ALS2CL: variants seen among roughly 807,000 people sequenced by gnomAD.
The protein encoded by ALS2CL is ALS2 C-terminal-like protein.
Under a neutral mutation model 127.9 loss-of-function variants are expected in ALS2CL, and 112 were observed. The ratio of observed to expected loss-of-function variants is 0.88; its 90% CI spans 0.75 to 1.02. The LOEUF (loss-of-function observed/expected upper bound fraction) is 1.02. ALS2CL is among the 50% of genes least tolerant of loss of function. ALS2CL has a pLI of 0.00. For missense variants in ALS2CL, 1,174 were observed against 1,236.7 expected (o/e 0.95, Z 0.76); for synonymous variants, 519 against 527.6 (o/e 0.98, Z 0.22).
chr3:46,680,524 C>G lies in ALS2CL; in HGVS notation c.1454G>C (p.Gly485Ala), dbSNP rs776177156. 10 of 1,612,632 alleles carry G rather than the reference C, an allele frequency of 6.2e-6. No individual in the cohort carries two copies. The East Asian group carries it at 1.8e-4, about 29-fold the overall frequency. ...EDGDRGERYI[G>A]MWQAGQRHGP... is the part of the protein sequence containing the mutation. ...GTGGCGCTGACCAGCCTGCCACATG[C>G]CAATGTAGCGCTCACCTCTGGAAGG... The change falls in exon 14 of 26, where the codon GGC becomes GCC. Residue 485 changes from glycine to alanine, a missense_variant. Coordinates refer to ENST00000318962, the MANE Select transcript of ALS2CL (RefSeq NM_147129.5).
chr3:46,676,441 T>G lies in ALS2CL; in HGVS notation c.2029-39A>C. On this transcript the variant is annotated intron_variant, in intron 18 of 25. Transcript: ENST00000318962. ...TAGGCAACAGAGAGAGACTAAGCAC[T>G]GGGGTCTGGAGCACAGCATGCCCAC... The G allele has an allele frequency of 1.9e-6, 3 of 1,610,472 alleles. No individual in the cohort carries two copies. In the South Asian group the frequency reaches 3.3e-5, roughly 18 times the overall value.
rs915852238 is a variant in ALS2CL, at chr3:46,671,035, G to A, written c.2811C>T (p.Asp937=). The change falls in exon 26 of 26, where the codon GAC becomes GAT. Residue 937 remains aspartate (D), a synonymous_variant. Transcript: ENST00000318962. ...GGCCAGGTAAGCGGTGCAGCCTCAT[G>A]TCTTCTTTCTGGATGTGCTCGTAAC... ...ESCYEHIQKE[D]MRLHRLPGHW... The A allele has an allele frequency of 6.8e-6, 11 of 1,614,094 alleles. No individual in the cohort carries two copies. The highest frequency in any genetic ancestry group is 9.3e-6 in the Non-Finnish European group (11 of 1,180,036).
rs544132462 is a variant in ALS2CL, at chr3:46,676,307, G to C, written c.2124C>G (p.His708Gln). 1 of 1,613,826 alleles carries C rather than the reference G, an allele frequency of 6.2e-7. No homozygotes were observed. Among genetic ancestry groups the C allele is most frequent in the South Asian group, 1.1e-5 (1 of 91,058 alleles). ...ATYAGVGANK[H>Q]LQELAQEEVK... ...CCTCCTCCTGGGCCAGCTCCTGCAG[G>C]TGCTTGTTGGCCCCGACACCTGCGT... The change falls in exon 19 of 26, where the codon CAC (histidine) becomes CAG (glutamine). Residue 708 changes from histidine (H) to glutamine (Q), a missense_variant. By Grantham distance (24) the His-to-Gln change is conservative. Transcript: ENST00000318962.
At chr3:46,689,863 G>A (rs1004917495) in intron 1 of ALS2CL, among the ~76,000 whole-genome samples, 1 of 152,176 alleles carries the variant, frequency 6.6e-6, no homozygotes, top group African/African-American at 2.4e-5. Context: ...CAGGGATTCT[G>A]CAGTCTCTAT....
intron 7 of ALS2CL, 129 bp from the exon 8 acceptor site, chr3:46,684,176 T>A: frequency 9.3e-7 from 1 of 1,069,714 alleles, no homozygotes; most frequent in Non-Finnish European, 1.4e-6. Context: ...TGTCCAGGAC[T>A]GAGTCCCTCT....
chr3:46,687,829 C>A, intron 3 of ALS2CL, 145 bp from the exon 4 acceptor site: 1 of 867,604 alleles, frequency 1.2e-6, no homozygotes, highest in East Asian at 2.7e-5. Flanking sequence ...GCACTGGAGA[C>A]CTCAACTCCT....
intron 16 of ALS2CL, chr3:46,677,338 A>G: frequency 8.7e-7 from 1 of 1,155,074 alleles, no homozygotes; most frequent in Non-Finnish European, 1.1e-6. Context: ...TCCAAGAGAG[A>G]CCAGTGTCCA....
rs1343084900 is a variant in ALS2CL, at chr3:46,674,747, G to A, written c.2256-8C>T. The A allele has an allele frequency of 6.2e-7, 1 of 1,602,182 alleles. No homozygotes were observed. The highest frequency in any genetic ancestry group is 1.1e-5 in the South Asian group (1 of 89,008). Reference sequence around the variant, plus strand: ...CCATGCACCTGGAGGTCCCTGATGGGGAGACCGGAACAGGTTGGGATGAGC... The same window carrying A: ...CCATGCACCTGGAGGTCCCTGATGGAGAGACCGGAACAGGTTGGGATGAGC... On this transcript the variant is annotated splice_region_variant and splice_polypyrimidine_tract_variant and intron_variant, in intron 20 of 25. Coordinates refer to ENST00000318962, the MANE Select transcript of ALS2CL (RefSeq NM_147129.5).
chr3:46,681,272 G>C lies in ALS2CL; in HGVS notation c.1410C>G (p.Gly470=), dbSNP rs1423225299. ...TGHWERGQRS[G]YGIEEDGDRG... is the part of the protein sequence containing the mutation. ...TGTCACCATCCTCCTCAATGCCATAGCCGCTCCTCTGGCCCCTCTCCCAGT... is the reference window on the plus strand; with the variant it reads ...TGTCACCATCCTCCTCAATGCCATACCCGCTCCTCTGGCCCCTCTCCCAGT... Residue 470 remains glycine (G), a synonymous_variant, in exon 13 of 26, where the codon GGC becomes GGG. Transcript: ENST00000318962. The surrounding 1 kb of genome is among the most constrained non-coding windows in gnomAD (Gnocchi z 4.9). 3 of 1,613,854 alleles carry C rather than the reference G, an allele frequency of 1.9e-6. No homozygotes were observed. In the African/African-American group the frequency reaches 4.0e-5, roughly 22 times the overall value.
chr3:46,671,168 G>T, intron 25 of ALS2CL, 104 bp from the exon 26 acceptor site: 1 of 1,239,908 alleles, frequency 8.1e-7, no homozygotes, highest in Non-Finnish European at 1.2e-6. Context: ...TCCCAACCCA[G>T]AGGAGGCGTG....
At chr3:46,692,236 GGA>G (rs1364300261) in intron 1 of ALS2CL, among the ~76,000 whole-genome samples, 1 of 152,178 alleles carries the variant, frequency 6.6e-6, no homozygotes, top group Non-Finnish European at 1.5e-5. Flanking sequence ...GAAGTGATGA[GGA>G]GAGTGTAAGT....
chr3:46,688,735 T>A (rs1008445918), intron 2 of ALS2CL, among the ~76,000 whole-genome samples: 4 of 152,190 alleles, frequency 2.6e-5, no homozygotes, highest in Non-Finnish European at 5.9e-5. Context: ...AAACTGGAAG[T>A]AAAACCTAGG....
In ALS2CL at chr3:46,680,363, C is replaced by T. The variant is rs1193524092; in HGVS notation, c.1548+67G>A. On this transcript the variant is annotated intron_variant, in intron 14 of 25. Coordinates refer to ENST00000318962, the MANE Select transcript of ALS2CL (RefSeq NM_147129.5). ...CATCCCTCCCTGAAAGGCCTCAGCTCAGCCTCAGTGCCCCCAGCGGGAGTG... is the reference window on the plus strand; with the variant it reads ...CATCCCTCCCTGAAAGGCCTCAGCTTAGCCTCAGTGCCCCCAGCGGGAGTG... 35 of 1,510,470 alleles carry T rather than the reference C, an allele frequency of 2.3e-5. No individual in the cohort carries two copies. In the East Asian group the frequency reaches 5.7e-4, roughly 24 times the overall value. The allele number at this position is 1,510,470 out of a possible 1,614,324, so 93.6% of individuals were successfully genotyped here.
intron 7 of ALS2CL, 148 bp from the exon 8 acceptor site, chr3:46,684,195 G>T (rs1699593141): frequency 3.2e-6 from 3 of 946,446 alleles, no homozygotes; most frequent in Middle Eastern, 3.2e-4. Flanking sequence ...CTCCCCTCTG[G>T]CTTGCTCCCC....
At chr3:46,683,933 G>C (rs1016930832) in intron 8 of ALS2CL, 56 bp downstream of exon 8, 3 of 1,613,308 alleles carry the variant, frequency 1.9e-6, no homozygotes, top group Non-Finnish European at 2.5e-6. Flanking sequence ...GTGTGGGCAG[G>C]TGTCATGGGG....
chr3:46,682,789 G>C (rs911948086), intron 10 of ALS2CL, among the ~76,000 whole-genome samples: 2 of 152,342 alleles, frequency 1.3e-5, no homozygotes, highest in East Asian at 3.9e-4. Context: ...GATGGAGATA[G>C]AATGTGTGCA....
rs79004007 is a variant in ALS2CL at position 46,691,537 on chromosome 3, G to A, written c.-25-2072C>T. Among the ~76,000 whole-genome samples, 50 of 151,892 alleles carry A rather than the reference G, an allele frequency of 3.3e-4. 3 individuals carry two copies. The East Asian group carries it at 8.8e-3, about 27-fold the overall frequency. On this transcript the variant is annotated intron_variant, in intron 1 of 25. Coordinates refer to ENST00000318962, the MANE Select transcript of ALS2CL (RefSeq NM_147129.5). ...CTCCTCCTCAGGCTTCCTGTCCCTC[G>A]TCCCCACTGCCCAGTCTCAGCTGCT... is the stretch of plus-strand genomic sequence containing the variant.
At position 46,681,662 on chromosome 3, in the gene ALS2CL, A is replaced by G; in HGVS notation, c.1176-64T>C. 6.6e-7 allele frequency: 1 copy of G among 1,507,466 alleles called. No homozygotes were observed. 93.4% of individuals were successfully genotyped at this position (1,507,466 alleles called of 1,614,324 possible). A position where few individuals can be genotyped will look rare whatever the true frequency, so the allele number is the denominator to read the frequency against. ...CTGAGACGCCCATTACACCTACTCC[A>G]TGCCACCCAGGAGTATCCCTGCCCC... On this transcript the variant is annotated intron_variant, in intron 11 of 25. Transcript: ENST00000318962. This position sits in a 1 kb window ranked among gnomAD's most constrained non-coding sequence, Gnocchi z 4.9.
At position 46,683,213 on chromosome 3, in the gene ALS2CL, G is replaced by A. The variant is rs147719125; in HGVS notation, c.1026C>T (p.Cys342=). 137 of 1,609,408 alleles carry A rather than the reference G, an allele frequency of 8.5e-5. No homozygotes were observed. Among genetic ancestry groups the A allele is most frequent in the Non-Finnish European group, 9.3e-5 (109 of 1,178,102 alleles). Residue 342 remains cysteine, a synonymous_variant, in exon 10 of 26, where the codon TGC becomes TGT. Transcript: ENST00000318962. The stretch of plus-strand genomic sequence containing the variant: ...CCTCTGCCTGGAAGGTATATTCTGC[G>A]CAGCGGCAGTCGGGAGGCTGGGAGG... ...LEPSQPPDCR[C]AEYTFQAEGR... is the part of the protein sequence containing the mutation.
Sources: allele counts gnomAD v4.1 joint callset (sites outside exome capture counted in the v4.1 genomes callset), GRCh38; gene constraint gnomAD v4.1.1; non-coding constraint Gnocchi (gnomAD v3.1); transcripts MANE v1.5; gene names NCBI Gene and HGNC (gene_info 2026-07-23, HGNC 2026-07-21).